The following SAMD5 variants were observed in gnomAD, a reference collection of about 807,000 sequenced individuals.
SAMD5 encodes sterile alpha motif domain containing 5, also known as sterile alpha motif domain-containing protein 5.
Under a neutral mutation model 11.3 loss-of-function variants are expected in SAMD5, and 13 were observed. The ratio of observed to expected loss-of-function variants is 1.15; its 90% CI spans 0.75 to 1.83. SAMD5 has a LOEUF of 1.83. Among genes scored for constraint, SAMD5 ranks in the 40% most tolerant of loss-of-function variants. SAMD5 has a pLI of 0.00. For synonymous variants in SAMD5, 129 were observed against 111.3 expected (o/e 1.16, Z -1.00); for missense variants, 255 against 239.1 (o/e 1.07, Z -0.44).
intron 1 of SAMD5, among the ~76,000 whole-genome samples, chr6:147,668,914 T>C (rs1790758206): frequency 6.6e-6 from 1 of 152,182 alleles, no homozygotes; most frequent in Admixed American, 6.5e-5. Context: ...AAAAACAATG[T>C]ACATAACTTA....
chr6:147,890,408 G>C, the SAMD5 span, among the ~76,000 whole-genome samples: 2 of 150,822 alleles, frequency 1.3e-5, no homozygotes, highest in Non-Finnish European at 2.9e-5. Flanking sequence ...GCCCAGCTTG[G>C]AGTGCAGTGG....
At chr6:147,572,533 T>A (rs1789152275), downstream of SAMD5, among the ~76,000 whole-genome samples, 1 of 152,070 alleles carries the variant, frequency 6.6e-6, no homozygotes. Context: ...TAGAGTGCAG[T>A]GGTATGATCG....
At chr6:147,642,290 G>A (rs1790324235) in intron 1 of SAMD5, among the ~76,000 whole-genome samples, 1 of 152,042 alleles carries the variant, frequency 6.6e-6, no homozygotes, top group Non-Finnish European at 1.5e-5. Flanking sequence ...TATTGTCTTA[G>A]TGCATTTAAT....
At chr6:147,789,229 T>C in the SAMD5 span, among the ~76,000 whole-genome samples, 13 of 151,538 alleles carry the variant, frequency 8.6e-5, no homozygotes, top group Admixed American at 1.3e-4. Flanking sequence ...ATGATGCCAC[T>C]GCACTGAACT....
chr6:147,847,628 G>A, the SAMD5 span, among the ~76,000 whole-genome samples: 8 of 152,080 alleles, frequency 5.3e-5, no homozygotes, highest in African/African-American at 1.9e-4. Context: ...TGAGGTGGGT[G>A]GATCACTTGA....
At chr6:147,720,489 C>T (rs1791535036) in intron 1 of SAMD5, among the ~76,000 whole-genome samples, 1 of 151,588 alleles carries the variant, frequency 6.6e-6, no homozygotes, top group Non-Finnish European at 1.5e-5. Context: ...TCCACGGTCT[C>T]CCCCAGCTCC....
chr6:147,888,488 G>C, the SAMD5 span, among the ~76,000 whole-genome samples: 1 of 151,954 alleles, frequency 6.6e-6, no homozygotes, highest in Admixed American at 6.6e-5. Flanking sequence ...CATGTTGTTG[G>C]GGCATTGTCT....
chr6:147,865,336 G>C, the SAMD5 span, among the ~76,000 whole-genome samples: 5 of 96,772 alleles, frequency 5.2e-5, no homozygotes, highest in East Asian at 1.5e-3. Context: ...GTGTGTGTGT[G>C]TGTGTGTGTG....
chr6:147,902,686 C>A, the SAMD5 span, among the ~76,000 whole-genome samples: 1 of 152,130 alleles, frequency 6.6e-6, no homozygotes, highest in South Asian at 2.1e-4. Context: ...TCCTGTGATC[C>A]TGTGTTTCTT....
chr6:147,700,221 T>A (rs1249976494), intron 1 of SAMD5, among the ~76,000 whole-genome samples: 2 of 152,196 alleles, frequency 1.3e-5, no homozygotes, highest in African/African-American at 4.8e-5. Context: ...TAATGATAAA[T>A]CTAATTTTCA....
intron 1 of SAMD5, among the ~76,000 whole-genome samples, chr6:147,550,909 T>C (rs1342902166): frequency 1.3e-5 from 2 of 151,804 alleles, no homozygotes; most frequent in African/African-American, 4.8e-5. Context: ...TTTATATATA[T>C]ATATAAACCC....
chr6:147,645,861 T>G (rs1002993483), intron 1 of SAMD5, among the ~76,000 whole-genome samples: 2 of 152,172 alleles, frequency 1.3e-5, no homozygotes, highest in African/African-American at 4.8e-5. Context: ...AGGTGAAACT[T>G]TGCCATCTAA....
At position 147,687,945 on chromosome 6, in the gene SAMD5, C is replaced by A. The variant is rs546439963; in HGVS notation, c.163-49372C>A. Among the ~76,000 whole-genome samples the A allele has an allele frequency of 3.9e-5, 6 of 152,270 alleles. No homozygotes were observed. In the East Asian group the frequency reaches 1.2e-3, roughly 29 times the overall value. ...CTGAACTTGGAACTGTGGTTTAAGT[C>A]TTTCATCAGTTTTAGATGAAAATTT... On this transcript the variant is annotated intron_variant, in intron 1 of 1. Coordinates refer to the SAMD5 transcript ENST00000566741.
intron 1 of SAMD5, among the ~76,000 whole-genome samples, chr6:147,655,264 A>G (rs532423670): frequency 7.9e-5 from 12 of 152,352 alleles, no homozygotes; most frequent in Non-Finnish European, 1.3e-4. Flanking sequence ...ACACTTGACT[A>G]GCTGCTAAGC....
chr6:147,693,895 G>C (rs1246832859), intron 1 of SAMD5, among the ~76,000 whole-genome samples: 1 of 152,156 alleles, frequency 6.6e-6, no homozygotes, highest in Non-Finnish European at 1.5e-5. Flanking sequence ...CTTGAACCTA[G>C]GAGGTGGAGG....
the SAMD5 span, among the ~76,000 whole-genome samples, chr6:147,893,908 T>C: frequency 6.6e-6 from 1 of 152,184 alleles, no homozygotes; most frequent in Non-Finnish European, 1.5e-5. Flanking sequence ...AATGAATATA[T>C]ACATTTTTGT....
chr6:147,904,844 G>C, the SAMD5 span, among the ~76,000 whole-genome samples: 1 of 150,896 alleles, frequency 6.6e-6, no homozygotes, highest in East Asian at 1.9e-4. Flanking sequence ...TTCTTCATTA[G>C]AACATAACTC....
chr6:147,715,183 T>C (rs956110666), intron 1 of SAMD5, among the ~76,000 whole-genome samples: 2 of 152,214 alleles, frequency 1.3e-5, no homozygotes, highest in Admixed American at 6.5e-5. Flanking sequence ...CTGGGCTTGT[T>C]CCACCCTCTT....
intron 1 of SAMD5, among the ~76,000 whole-genome samples, chr6:147,643,241 A>G (rs1790340557): frequency 6.6e-6 from 1 of 152,182 alleles, no homozygotes; most frequent in African/African-American, 2.4e-5. Context: ...GTTTGTAGTT[A>G]ACTCAAATAT....
Sources: gnomAD v4.1 joint callset for allele counts (sites outside exome capture counted in the v4.1 genomes callset) on GRCh38, gnomAD v4.1.1 for gene constraint, MANE v1.5 for transcripts, NCBI Gene and HGNC (gene_info 2026-07-23, HGNC 2026-07-21) for gene names.